PPFIA2: variants seen among roughly 807,000 people sequenced by gnomAD.
PPFIA2 encodes PPFI scaffold protein A2.
In PPFIA2, 46 loss-of-function variants were observed where a neutral mutation model predicts 175.5. The ratio of observed to expected loss-of-function variants is 0.26; its 90% confidence interval spans 0.21 to 0.34. The LOEUF (loss-of-function observed/expected upper bound fraction) is 0.34. Among genes scored for constraint, PPFIA2 ranks in the 10% least tolerant of loss-of-function variants. The probability of loss-of-function intolerance (pLI) is 1.00; values close to 1 mark genes in which losing one functional copy is unlikely to be tolerated. For synonymous variants in PPFIA2, 568 were observed against 511.4 expected, an observed-to-expected ratio of 1.11 and a Z score of -1.49; for missense variants, 1,179 against 1,506.1, an observed-to-expected ratio of 0.78 and a Z score of 3.60.
chr12:81,715,971 A>C (rs2078563783), intron 3 of PPFIA2, among the ~76,000 whole-genome samples: 1 of 151,544 alleles, frequency 6.6e-6, no homozygotes, highest in Admixed American at 6.6e-5. Context: ...ACTGGAATAA[A>C]TTTATTAAAT....
At chr12:81,675,221 C>T (rs11114976) in intron 4 of PPFIA2, among the ~76,000 whole-genome samples, 2,013 of 55,416 alleles carry the variant, frequency 0.036, 38 homozygotes, top group African/African-American at 0.069. Flanking sequence ...CACACACACA[C>T]ATATATATAT....
chr12:81,319,588 G>T (rs913116673), intron 22 of PPFIA2, among the ~76,000 whole-genome samples: 1 of 151,842 alleles, frequency 6.6e-6, no homozygotes, highest in Non-Finnish European at 1.5e-5. Flanking sequence ...TTTTCCTGCA[G>T]TAATTGTGTC....
chr12:81,606,914 T>A (rs933369471), intron 4 of PPFIA2, among the ~76,000 whole-genome samples: 3 of 152,104 alleles, frequency 2.0e-5, no homozygotes, highest in African/African-American at 4.8e-5. Flanking sequence ...TGGTATTTCT[T>A]CAGTTTTATT....
intron 11 of PPFIA2, among the ~76,000 whole-genome samples, chr12:81,371,668 G>A (rs1032670819): frequency 2.0e-5 from 3 of 151,550 alleles, no homozygotes; most frequent in Non-Finnish European, 4.4e-5. Context: ...ACATTTTATT[G>A]GTACTAGAAA....
At chr12:81,665,392 G>A (rs535655896) in intron 4 of PPFIA2, among the ~76,000 whole-genome samples, 9 of 151,956 alleles carry the variant, frequency 5.9e-5, no homozygotes, top group Non-Finnish European at 1.0e-4. Context: ...TTTGTAACAC[G>A]TAACACTCAG....
At chr12:81,274,257 T>C (rs1349684671) in intron 28 of PPFIA2, among the ~76,000 whole-genome samples, 1 of 152,136 alleles carries the variant, frequency 6.6e-6, no homozygotes, top group East Asian at 1.9e-4. Context: ...CTCTCAATAA[T>C]AAAAAATAAA....
intron 4 of PPFIA2, among the ~76,000 whole-genome samples, chr12:81,642,714 G>GTATTATATACATACATTATGTATA (rs2065288097): frequency 4.3e-5 from 1 of 23,334 alleles, no homozygotes; most frequent in Non-Finnish European, 7.7e-5. Flanking sequence ...ATGTATGTAT[G>GTATTATATACATACATTATGTATA]TATTATATAC....
chr12:81,454,390 A>G (rs2053215422), intron 5 of PPFIA2, among the ~76,000 whole-genome samples: 1 of 152,146 alleles, frequency 6.6e-6, no homozygotes, highest in South Asian at 2.1e-4. Flanking sequence ...TTTCATTTAT[A>G]AGCCATTTAT....
chr12:81,400,710 G>A (rs1160883467), intron 8 of PPFIA2, among the ~76,000 whole-genome samples: 1 of 152,114 alleles, frequency 6.6e-6, no homozygotes, highest in Non-Finnish European at 1.5e-5. Flanking sequence ...AGAAGAATAA[G>A]AGCAACAACT....
chr12:81,542,257 T>C lies in PPFIA2; in HGVS notation c.304-84391A>G, dbSNP rs181842964. On this transcript the variant is annotated intron_variant, in intron 4 of 32. Coordinates refer to ENST00000549396, the MANE Select transcript of PPFIA2 (RefSeq NM_003625.5). ...GAGACTGGGGTGAGTGCAGATACCA[T>C]GGAATGCCTAAAGCCACAGGAGGCT... is the stretch of plus-strand genomic sequence containing the variant. Among the ~76,000 whole-genome samples the C allele has an allele frequency of 2.9e-3, 447 of 152,146 alleles. 4 individuals carry two copies. Among genetic ancestry groups the C allele is most frequent in the Admixed American group, 5.8e-3 (89 of 15,262 alleles).
At chr12:81,321,074 G>GAGAGAGAGAGAGAGA (rs2053558026) in intron 22 of PPFIA2, among the ~76,000 whole-genome samples, 1 of 96,896 alleles carries the variant, frequency 1.0e-5, no homozygotes, top group African/African-American at 4.5e-5. Context: ...AGAGAGAGAG[G>GAGAGAGAGAGAGAGA]AAAAAGAAAT....
chr12:81,674,860 G>C (rs1578963), intron 4 of PPFIA2, among the ~76,000 whole-genome samples: 6,701 of 151,888 alleles, frequency 0.044, 303 homozygotes, highest in East Asian at 0.25. Flanking sequence ...AGATACCTTA[G>C]ATACTTAGGG....
At chr12:81,512,876 G>T (rs1259781349) in intron 4 of PPFIA2, among the ~76,000 whole-genome samples, 27 of 151,882 alleles carry the variant, frequency 1.8e-4, no homozygotes, top group Non-Finnish European at 1.5e-5. Flanking sequence ...ACATTATTTT[G>T]TTCCTTTTTA....
intron 7 of PPFIA2, among the ~76,000 whole-genome samples, chr12:81,425,630 T>C (rs2047009038): frequency 6.6e-6 from 1 of 152,176 alleles, no homozygotes; most frequent in Non-Finnish European, 1.5e-5. Context: ...CAACTTGGGC[T>C]CCCAAAGTGC....
intron 4 of PPFIA2, among the ~76,000 whole-genome samples, chr12:81,636,859 G>T (rs969055665): frequency 7.2e-5 from 11 of 151,860 alleles, no homozygotes; most frequent in African/African-American, 2.4e-4. Flanking sequence ...CACTATGTGG[G>T]CCAGGCTGGT....
At chr12:81,666,768 T>G (rs537325697) in intron 4 of PPFIA2, among the ~76,000 whole-genome samples, 3 of 151,132 alleles carry the variant, frequency 2.0e-5, no homozygotes, top group Admixed American at 6.6e-5. Context: ...TAATAAAAAA[T>G]AAAAAAAAGA....
chr12:81,360,226 A>T (rs976590517), intron 15 of PPFIA2, among the ~76,000 whole-genome samples: 1 of 151,932 alleles, frequency 6.6e-6, no homozygotes, highest in Middle Eastern at 3.4e-3. Flanking sequence ...CAATATTATC[A>T]TACTAGTTCA....
At chr12:81,604,576 T>C (rs918711018) in intron 4 of PPFIA2, among the ~76,000 whole-genome samples, 10 of 144,934 alleles carry the variant, frequency 6.9e-5, no homozygotes, top group Non-Finnish European at 1.5e-4. Flanking sequence ...CAATTTATCA[T>C]AAAACTATTT....
chr12:81,585,085 T>C (rs1471785407), intron 4 of PPFIA2, among the ~76,000 whole-genome samples: 1 of 126,670 alleles, frequency 7.9e-6, no homozygotes, highest in Non-Finnish European at 1.6e-5. Flanking sequence ...ATAATATATA[T>C]AATATATAAA....
Sources: allele counts gnomAD v4.1 joint callset (sites outside exome capture counted in the v4.1 genomes callset), GRCh38; gene constraint gnomAD v4.1.1; transcripts MANE v1.5; gene names NCBI Gene and HGNC (gene_info 2026-07-23, HGNC 2026-07-21).